Variants in PTPRD observed in about 807,000 individuals in gnomAD.
PTPRD encodes protein tyrosine phosphatase receptor type D.
A neutral mutation model predicts 214.5 loss-of-function variants in PTPRD; 34 were observed. The observed-to-expected ratio is 0.16, with a 90% CI of 0.12 to 0.21. PTPRD has a LOEUF of 0.21. Among genes scored for constraint, PTPRD ranks in the 10% least tolerant of loss-of-function variants. The pLI, the probability that PTPRD is intolerant of heterozygous loss-of-function variation, is 1.00. For missense variants in PTPRD, 2,545 were observed against 2,398.7 expected (o/e 1.06, Z -1.27); for synonymous variants, 1,128 against 845.7 (o/e 1.33, Z -5.79).
rs1401480912 is a variant in PTPRD at position 10,240,343 on chromosome 9, T to C, written c.-545+100620A>G. 2.6e-5 allele frequency among the ~76,000 whole-genome samples: 4 copies of C among 151,994 alleles called. No individual in the cohort carries two copies. In the East Asian group the frequency reaches 7.8e-4, roughly 30 times the overall value. On this transcript the variant is annotated intron_variant, in intron 3 of 45. Transcript: ENST00000381196. ...TCTTTTGATAAAGGGGTTTCAGCCA[T>C]GACCCTTATGATAGAGAGGAAAGGG... is the stretch of plus-strand genomic sequence containing the variant.
rs149971169 is a variant in PTPRD, at chr9:9,100,468, C to G, written c.-142-81733G>C. The stretch of plus-strand genomic sequence containing the variant: ...CTGTTTATTTTGGGGAACACCACCC[C>G]CACATTTCTTCTTCTATGATGGAAC... On this transcript the variant is annotated intron_variant, in intron 10 of 45. Coordinates refer to ENST00000381196, the MANE Select transcript of PTPRD (RefSeq NM_002839.4). Among the ~76,000 whole-genome samples, 554 of 152,194 alleles carry G rather than the reference C, an allele frequency of 3.6e-3. 5 individuals carry two copies. Among genetic ancestry groups the G allele is most frequent in the African/African-American group, 0.013 (534 of 41,532 alleles).
intron 5 of PTPRD, among the ~76,000 whole-genome samples, chr9:9,892,392 C>A (rs974229504): frequency 5.3e-5 from 8 of 152,036 alleles, no homozygotes; most frequent in Non-Finnish European, 7.4e-5. Flanking sequence ...AATGCAAAAA[C>A]CCTGAGAGTG....
chr9:9,731,333 G>A (rs922780708), intron 7 of PTPRD, among the ~76,000 whole-genome samples: 2 of 152,016 alleles, frequency 1.3e-5, no homozygotes, highest in Admixed American at 1.3e-4. Flanking sequence ...ATGGCACTCA[G>A]TTTTGTAGAG....
At chr9:10,429,973 T>C (rs2098662101) in intron 2 of PTPRD, among the ~76,000 whole-genome samples, 1 of 151,962 alleles carries the variant, frequency 6.6e-6, no homozygotes, top group Admixed American at 6.6e-5. Context: ...CTATTCCCTA[T>C]GCCACTGCTC....
chr9:8,628,925 T>A (rs912876927), intron 14 of PTPRD, among the ~76,000 whole-genome samples: 1 of 151,798 alleles, frequency 6.6e-6, no homozygotes, highest in Non-Finnish European at 1.5e-5. Flanking sequence ...CAAAGCCAGT[T>A]CCCTATAAAT....
intron 7 of PTPRD, among the ~76,000 whole-genome samples, chr9:9,644,727 G>A (rs958263310): frequency 1.3e-5 from 2 of 151,920 alleles, no homozygotes; most frequent in Non-Finnish European, 2.9e-5. Context: ...AAACCACACT[G>A]GCCCACCAAT....
At chr9:10,591,786 T>G (rs2075512315) in intron 2 of PTPRD, among the ~76,000 whole-genome samples, 1 of 152,056 alleles carries the variant, frequency 6.6e-6, no homozygotes, top group Admixed American at 6.6e-5. Context: ...AGGGTGGCAT[T>G]TCTTTCTGTT....
intron 8 of PTPRD, among the ~76,000 whole-genome samples, chr9:9,404,861 G>A (rs1226551731): frequency 6.6e-6 from 1 of 152,022 alleles, no homozygotes; most frequent in Non-Finnish European, 1.5e-5. Flanking sequence ...ACAAAATTAT[G>A]TGGCCCTGTG....
At chr9:10,083,315 T>G (rs2098273417) in intron 3 of PTPRD, among the ~76,000 whole-genome samples, 1 of 152,030 alleles carries the variant, frequency 6.6e-6, no homozygotes, top group South Asian at 2.1e-4. Context: ...AGCAGTTGCC[T>G]AGTCTTATAA....
chr9:9,078,665 T>C (rs66609315), intron 10 of PTPRD, among the ~76,000 whole-genome samples: 16,109 of 151,930 alleles, frequency 0.11, 998 homozygotes, highest in East Asian at 0.17. Flanking sequence ...CTGGGGAGTG[T>C]TCTCAGGAGA....
At chr9:9,022,826 G>C (rs2099574493) in intron 10 of PTPRD, among the ~76,000 whole-genome samples, 1 of 152,088 alleles carries the variant, frequency 6.6e-6, no homozygotes, top group Non-Finnish European at 1.5e-5. Flanking sequence ...ATTCAAAAAT[G>C]GTTGCTTTTA....
At chr9:8,851,814 G>A (rs971729370) in intron 11 of PTPRD, among the ~76,000 whole-genome samples, 1 of 151,994 alleles carries the variant, frequency 6.6e-6, no homozygotes, top group African/African-American at 2.4e-5. Flanking sequence ...AGAGCTCACA[G>A]ATAATAAGTG....
At chr9:10,482,496 A>T (rs1032505853) in intron 2 of PTPRD, among the ~76,000 whole-genome samples, 6 of 121,066 alleles carry the variant, frequency 5.0e-5, no homozygotes, top group African/African-American at 1.8e-4. Flanking sequence ...TCTATTTGCC[A>T]ATGATATGAT....
chr9:8,397,678 A>G (rs962828088), intron 36 of PTPRD, among the ~76,000 whole-genome samples: 7 of 152,168 alleles, frequency 4.6e-5, no homozygotes, highest in African/African-American at 1.7e-4. Flanking sequence ...AACCTAGAGC[A>G]CTAGTGTGGT....
chr9:9,699,643 C>A (rs2097452858), intron 7 of PTPRD, among the ~76,000 whole-genome samples: 1 of 152,066 alleles, frequency 6.6e-6, no homozygotes, highest in South Asian at 2.1e-4. Flanking sequence ...TTCTTTTGAC[C>A]AACTAAGTGC....
chr9:10,341,480 T>C (rs1446080359), intron 2 of PTPRD, among the ~76,000 whole-genome samples: 4 of 151,966 alleles, frequency 2.6e-5, no homozygotes, highest in South Asian at 4.1e-4. Flanking sequence ...CAGACATTAA[T>C]GTTTTGCGTT....
intron 3 of PTPRD, among the ~76,000 whole-genome samples, chr9:10,214,580 A>G (rs1056661655): frequency 3.3e-5 from 5 of 151,828 alleles, no homozygotes. Flanking sequence ...CCAGCCAACT[A>G]TTAATTCTTA....
chr9:10,535,151 T>C (rs1463574628), intron 2 of PTPRD, among the ~76,000 whole-genome samples: 1 of 152,176 alleles, frequency 6.6e-6, no homozygotes, highest in Non-Finnish European at 1.5e-5. Flanking sequence ...TTATGGAGAA[T>C]ATGTTTTATA....
At chr9:9,496,154 G>C (rs1336099049) in intron 8 of PTPRD, among the ~76,000 whole-genome samples, 1 of 152,124 alleles carries the variant, frequency 6.6e-6, no homozygotes, top group African/African-American at 2.4e-5. Context: ...TGATTTGACA[G>C]TGTTTTCTTG....
Sources: gnomAD v4.1 joint callset for allele counts (sites outside exome capture counted in the v4.1 genomes callset) on GRCh38, gnomAD v4.1.1 for gene constraint, MANE v1.5 for transcripts, NCBI Gene and HGNC (gene_info 2026-07-23, HGNC 2026-07-21) for gene names.